Variants in MCC observed in about 807,000 individuals in gnomAD.
MCC encodes MCC regulator of Wnt signaling pathway.
A neutral mutation model predicts 116.2 loss-of-function variants in MCC; 90 were observed. The observed-to-expected ratio is 0.77, with a 90% CI of 0.65 to 0.92. The LOEUF (loss-of-function observed/expected upper bound fraction) is 0.92, where lower values mean the gene tolerates loss of function less well. Among genes scored for constraint, MCC ranks in the 40% least tolerant of loss-of-function variants. The pLI is 0.00. For synonymous variants in MCC, 578 were observed against 510.5 expected (o/e 1.13, Z -1.78); for missense variants, 1,516 against 1,312.2 (o/e 1.16, Z -2.40).
intron 3 of MCC, among the ~76,000 whole-genome samples, chr5:113,206,431 C>T (rs187167222): frequency 4.6e-5 from 7 of 152,260 alleles, no homozygotes; most frequent in South Asian, 4.1e-4. Flanking sequence ...TTAAATTTTT[C>T]GGGCCGGGCC....
intron 11 of MCC, among the ~76,000 whole-genome samples, chr5:113,078,237 C>G (rs1754597626): frequency 6.6e-6 from 1 of 152,184 alleles, no homozygotes; most frequent in Non-Finnish European, 1.5e-5. Flanking sequence ...CAAGGAGAAG[C>G]TGGTATCATT....
rs565563865 is a variant in MCC, at chr5:113,222,325, T to C, written c.628-70903A>G. On this transcript the variant is annotated intron_variant, in intron 3 of 18. Coordinates refer to ENST00000408903, the MANE Select transcript of MCC (RefSeq NM_001085377.2). The stretch of plus-strand genomic sequence containing the variant: ...TATTATTGGGTTTGATTTGCTAAAA[T>C]TGTCTTTTTTTACATCCATGTTCAC... 8.3e-4 allele frequency among the ~76,000 whole-genome samples: 126 copies of C among 152,340 alleles called. 1 individual carries two copies. In the South Asian group the frequency reaches 0.025, roughly 31 times the overall value.
chr5:113,347,780 T>C (rs969108158), intron 2 of MCC, among the ~76,000 whole-genome samples: 7 of 143,094 alleles, frequency 4.9e-5, no homozygotes, highest in African/African-American at 1.6e-4. Context: ...AAAGACAGAG[T>C]GCCTAAATGG....
chr5:113,313,401 C>T (rs1389602057), intron 3 of MCC, among the ~76,000 whole-genome samples: 2 of 152,052 alleles, frequency 1.3e-5, no homozygotes, highest in African/African-American at 2.4e-5. Context: ...ACATCTAGTT[C>T]TGTGAAGGCC....
chr5:113,293,171 G>T (rs543980222), intron 3 of MCC, among the ~76,000 whole-genome samples: 3 of 151,902 alleles, frequency 2.0e-5, no homozygotes, highest in Non-Finnish European at 4.4e-5. Flanking sequence ...CCAGCCCGAC[G>T]GCAGACCTCC....
rs998422792 is a variant in MCC, at chr5:113,381,922, T to G, written c.415+3046A>C. On this transcript the variant is annotated intron_variant, in intron 2 of 18. Transcript: ENST00000408903. ...TAAAATGGTAAACAGGAGAACATGGTGTCAAGAAGTCCAAGAGAATAAAGT... is the reference window on the plus strand; with the variant it reads ...TAAAATGGTAAACAGGAGAACATGGGGTCAAGAAGTCCAAGAGAATAAAGT... Among the ~76,000 whole-genome samples, 3 of 152,156 alleles carry G rather than the reference T, an allele frequency of 2.0e-5. No individual in the cohort carries two copies. In the East Asian group the frequency reaches 5.8e-4, roughly 29 times the overall value.
intron 17 of MCC, among the ~76,000 whole-genome samples, chr5:113,037,201 C>T (rs1193145095): frequency 6.6e-6 from 1 of 152,234 alleles, no homozygotes; most frequent in Non-Finnish European, 1.5e-5. Context: ...TATTCATCCA[C>T]AGCTGCTGAA....
chr5:113,279,646 A>T (rs1041285944), intron 3 of MCC, among the ~76,000 whole-genome samples: 2 of 152,192 alleles, frequency 1.3e-5, no homozygotes, highest in Admixed American at 6.5e-5. Context: ...TTCTAATACT[A>T]TTCATTTTTA....
At chr5:113,362,099 G>A (rs928917200) in intron 2 of MCC, among the ~76,000 whole-genome samples, 2 of 152,132 alleles carry the variant, frequency 1.3e-5, no homozygotes, top group African/African-American at 4.8e-5. Flanking sequence ...TATTATTTCC[G>A]TTTCTCTGGA....
At position 113,194,813 on chromosome 5, in the gene MCC, T is replaced by G. The variant is rs115198290; in HGVS notation, c.628-43391A>C. On this transcript the variant is annotated intron_variant, in intron 3 of 18. Coordinates refer to ENST00000408903, the MANE Select transcript of MCC (RefSeq NM_001085377.2). ...GAATTCCTTCATCTATATATAGTCA[T>G]TCCTCGAGGACTCATTGTGAAAATG... Among the ~76,000 whole-genome samples, 965 of 152,326 alleles carry G rather than the reference T, an allele frequency of 6.3e-3. 7 individuals are homozygous for G. The highest frequency in any genetic ancestry group is 0.01 in the Non-Finnish European group (700 of 68,026).
intron 3 of MCC, among the ~76,000 whole-genome samples, chr5:113,242,277 G>A (rs1764398353): frequency 2.0e-5 from 3 of 152,184 alleles, no homozygotes; most frequent in South Asian, 4.1e-4. Context: ...TCAGTGATAT[G>A]TTACAAGGCA....
At chr5:113,096,410 C>G (rs1756022875) in intron 8 of MCC, among the ~76,000 whole-genome samples, 1 of 152,230 alleles carries the variant, frequency 6.6e-6, no homozygotes, top group Non-Finnish European at 1.5e-5. Context: ...TCTCAAAGAG[C>G]TTCCCAGTGA....
At chr5:113,051,165 C>G (rs1046429111) in intron 15 of MCC, among the ~76,000 whole-genome samples, 8 of 152,172 alleles carry the variant, frequency 5.3e-5, no homozygotes, top group African/African-American at 1.7e-4. Context: ...TAGAACCACT[C>G]TGTAGGGACA....
At chr5:113,313,749 C>G (rs1581392896) in intron 3 of MCC, among the ~76,000 whole-genome samples, 2 of 152,240 alleles carry the variant, frequency 1.3e-5, no homozygotes, top group East Asian at 3.9e-4. Context: ...TCTCAAAGCT[C>G]CCAGGGAGAC....
chr5:113,290,782 T>TG (rs1766465100), intron 3 of MCC, among the ~76,000 whole-genome samples: 1 of 152,214 alleles, frequency 6.6e-6, no homozygotes, highest in South Asian at 2.1e-4. Flanking sequence ...TTCTTGATCA[T>TG]GGGGGAGAGA....
At chr5:113,438,856 T>C (rs77266451) in intron 1 of MCC, among the ~76,000 whole-genome samples, 82 of 152,222 alleles carry the variant, frequency 5.4e-4, no homozygotes, top group Non-Finnish European at 7.6e-4. Context: ...AATATGAAAC[T>C]TAAGTAGATT....
intron 3 of MCC, among the ~76,000 whole-genome samples, chr5:113,151,857 T>G (rs1356197802): frequency 3.9e-5 from 6 of 152,168 alleles, no homozygotes; most frequent in African/African-American, 1.4e-4. Flanking sequence ...TGGAATCCAG[T>G]CATCTAAATT....
chr5:113,401,928 T>C (rs1769698563), intron 1 of MCC, among the ~76,000 whole-genome samples: 1 of 152,004 alleles, frequency 6.6e-6, no homozygotes, highest in South Asian at 2.1e-4. Flanking sequence ...TAGTTCACTG[T>C]AACCTCAAAC....
At chr5:113,209,929 T>C (rs1318915772) in intron 3 of MCC, among the ~76,000 whole-genome samples, 1 of 152,214 alleles carries the variant, frequency 6.6e-6, no homozygotes, top group Non-Finnish European at 1.5e-5. Context: ...TAGAGTGCTA[T>C]TTCATTTTTG....
Sources: allele counts gnomAD v4.1 joint callset (sites outside exome capture counted in the v4.1 genomes callset), GRCh38; gene constraint gnomAD v4.1.1; transcripts MANE v1.5; gene names NCBI Gene and HGNC (gene_info 2026-07-23, HGNC 2026-07-21).